CDKAL1: variants seen among roughly 807,000 people sequenced by gnomAD.
The protein encoded by CDKAL1 is CDKAL1 threonylcarbamoyladenosine tRNA methylthiotransferase.
In CDKAL1, 32 loss-of-function variants were observed where a neutral mutation model predicts 68.2. The ratio of observed to expected loss-of-function variants is 0.47; its 90% CI spans 0.35 to 0.63. The LOEUF (loss-of-function observed/expected upper bound fraction) is 0.63, where lower values mean the gene tolerates loss of function less well. Ranked by LOEUF, CDKAL1 falls within the 30% of genes least tolerant of loss-of-function variation. CDKAL1 has a pLI of 0.00. For missense variants in CDKAL1, 606 were observed against 696.7 expected (o/e 0.87, Z 1.47); for synonymous variants, 234 against 244.3 (o/e 0.96, Z 0.39).
At chr6:20,946,737 C>G (rs897091346) in intron 9 of CDKAL1, among the ~76,000 whole-genome samples, 1 of 151,812 alleles carries the variant, frequency 6.6e-6, no homozygotes, top group Admixed American at 6.6e-5. Context: ...GCTGGGATTA[C>G]AGGCATGCGC....
intron 13 of CDKAL1, among the ~76,000 whole-genome samples, chr6:21,141,589 T>C (rs1297013451): frequency 1.3e-5 from 2 of 152,220 alleles, no homozygotes; most frequent in Admixed American, 6.5e-5. Context: ...ATTAGTTCAT[T>C]TGGCAGATAT....
At chr6:21,178,065 A>G (rs78514967) in intron 13 of CDKAL1, among the ~76,000 whole-genome samples, 21,331 of 152,058 alleles carry the variant, frequency 0.14, 1,772 homozygotes, top group Non-Finnish European at 0.19. Flanking sequence ...TCTATCAACT[A>G]TGTAATGAAA....
chr6:21,201,923 T>G (rs9465995), intron 15 of CDKAL1, among the ~76,000 whole-genome samples: 9,106 of 152,080 alleles, frequency 0.06, 322 homozygotes, highest in Non-Finnish European at 0.074. Flanking sequence ...AAGCATCATT[T>G]GATGTCCTTT....
rs534222706 is a variant in CDKAL1, at chr6:21,102,717, T to A, written c.1237-5684T>A. Among the ~76,000 whole-genome samples the A allele has an allele frequency of 5.9e-5, 9 of 152,294 alleles. No homozygotes were observed. In the South Asian group the frequency reaches 8.3e-4, roughly 14 times the overall value. On this transcript the variant is annotated intron_variant, in intron 12 of 15. Transcript: ENST00000274695. ...TATTACCTGGAATTGCACTCCAGTC[T>A]CTTTTGGAATTTTTTTTGGGCATAA...
intron 11 of CDKAL1, among the ~76,000 whole-genome samples, chr6:21,061,831 A>AGC: frequency 6.6e-6 from 1 of 152,182 alleles, no homozygotes; most frequent in Non-Finnish European, 1.5e-5. Context: ...CTCTACTTAA[A>AGC]AAACATTTTA....
intron 5 of CDKAL1, among the ~76,000 whole-genome samples, chr6:20,682,552 AATGAGATCTCGTGATAACTCTAT>A (rs60229538): frequency 0.19 from 28,311 of 152,038 alleles, 2,772 homozygotes; most frequent in East Asian, 0.37. Context: ...ACTTTTAAAC[AATGAGATCTCGTGATAACTCTAT>A]CAGGAGAACA....
intron 4 of CDKAL1, among the ~76,000 whole-genome samples, chr6:20,552,825 T>G (rs1422563036): frequency 6.6e-6 from 1 of 152,200 alleles, no homozygotes; most frequent in Non-Finnish European, 1.5e-5. Flanking sequence ...AGAATTAGCT[T>G]TGATAAGACA....
At chr6:20,737,281 A>C (rs568779785) in intron 5 of CDKAL1, among the ~76,000 whole-genome samples, 1 of 152,228 alleles carries the variant, frequency 6.6e-6, no homozygotes, top group East Asian at 1.9e-4. Flanking sequence ...TATCCATCTC[A>C]CTGTCACCAA....
chr6:20,708,299 T>C (rs573599318), intron 5 of CDKAL1, among the ~76,000 whole-genome samples: 1 of 152,354 alleles, frequency 6.6e-6, no homozygotes, highest in East Asian at 1.9e-4. Context: ...TTTTCAATTT[T>C]TGTGTTGTTC....
intron 11 of CDKAL1, among the ~76,000 whole-genome samples, chr6:21,026,884 G>A (rs993257151): frequency 6.6e-6 from 1 of 152,144 alleles, no homozygotes; most frequent in African/African-American, 2.4e-5. Context: ...TGCCAAGGGT[G>A]CTCAGAAACC....
chr6:21,125,509 C>T (rs1228707699), intron 13 of CDKAL1, among the ~76,000 whole-genome samples: 1 of 152,080 alleles, frequency 6.6e-6, no homozygotes, highest in Non-Finnish European at 1.5e-5. Flanking sequence ...CCCGTCTCTA[C>T]TAAAAATACA....
At chr6:20,869,620 T>A (rs1760092297) in intron 9 of CDKAL1, among the ~76,000 whole-genome samples, 1 of 152,158 alleles carries the variant, frequency 6.6e-6, no homozygotes, top group Non-Finnish European at 1.5e-5. Flanking sequence ...AACAAAAAAA[T>A]AGTATTTGAG....
Position 21,126,148 on chromosome 6 carries a change from G to T in CDKAL1, c.1299+17685G>T, listed in dbSNP as rs545778920. 2.6e-5 allele frequency among the ~76,000 whole-genome samples: 4 copies of T among 152,294 alleles called. No individual in the cohort carries two copies. The East Asian group carries it at 5.8e-4, about 22-fold the overall frequency. On this transcript the variant is annotated intron_variant, in intron 13 of 15. Coordinates refer to ENST00000274695, the MANE Select transcript of CDKAL1 (RefSeq NM_017774.3). Reference sequence around the variant, plus strand: ...ATTAAAATCATGTGTGGACAGCAGTGTTTCCACAGTATTTCCATATTTCAT... The same window carrying T: ...ATTAAAATCATGTGTGGACAGCAGTTTTTCCACAGTATTTCCATATTTCAT...
At chr6:20,792,575 G>A (rs1245389858) in intron 8 of CDKAL1, among the ~76,000 whole-genome samples, 2 of 152,086 alleles carry the variant, frequency 1.3e-5, no homozygotes, top group African/African-American at 2.4e-5. Flanking sequence ...ACTTTCTCCT[G>A]TCTCTGTTAT....
At position 20,930,509 on chromosome 6, in the gene CDKAL1, A is replaced by C. The variant is rs577510005; in HGVS notation, c.743-24910A>C. ...AATTCCAGAGTAATTCAAATGCCTT[A>C]GTAAACATAATGTCATTTCGTATTT... On this transcript the variant is annotated intron_variant, in intron 9 of 15. Transcript: ENST00000274695. Among the ~76,000 whole-genome samples the C allele has an allele frequency of 3.3e-5, 5 of 152,328 alleles. No homozygotes were observed. The South Asian group carries it at 1.0e-3, about 32-fold the overall frequency.
In CDKAL1 at chr6:20,832,023, C is replaced by T. The variant is rs561140111; in HGVS notation, c.639-14052C>T. ...TGCAAAACTTATTGAACCACCGCTGCGCTGTCTGTTCATTAGCAGTTCCTG... is the reference window on the plus strand; with the variant it reads ...TGCAAAACTTATTGAACCACCGCTGTGCTGTCTGTTCATTAGCAGTTCCTG... On this transcript the variant is annotated intron_variant, in intron 8 of 15. Coordinates refer to ENST00000274695, the MANE Select transcript of CDKAL1 (RefSeq NM_017774.3). Among the ~76,000 whole-genome samples, 5 of 152,278 alleles carry T rather than the reference C, an allele frequency of 3.3e-5. No individual in the cohort carries two copies. The East Asian group carries it at 7.7e-4, about 24-fold the overall frequency.
chr6:20,594,860 A>G (rs1188646010), intron 4 of CDKAL1, among the ~76,000 whole-genome samples: 1 of 152,072 alleles, frequency 6.6e-6, no homozygotes, highest in Non-Finnish European at 1.5e-5. Flanking sequence ...CAGGAACTCT[A>G]GTAAGGCAGG....
intron 13 of CDKAL1, among the ~76,000 whole-genome samples, chr6:21,182,322 T>C (rs1777823798): frequency 6.6e-6 from 1 of 152,212 alleles, no homozygotes; most frequent in Admixed American, 6.5e-5. Flanking sequence ...AGAATATCAC[T>C]ATTTATTAAA....
intron 6 of CDKAL1, 41 bp downstream of exon 6, chr6:20,739,656 G>T: frequency 9.1e-7 from 1 of 1,097,386 alleles, no homozygotes; most frequent in Non-Finnish European, 1.4e-6. Context: ...ATCTTACATT[G>T]TTAACACCTG....
Sources: allele counts gnomAD v4.1 joint callset (sites outside exome capture counted in the v4.1 genomes callset), GRCh38; gene constraint gnomAD v4.1.1; transcripts MANE v1.5; gene names NCBI Gene and HGNC (gene_info 2026-07-23, HGNC 2026-07-21).